Variants in DDX19A observed in about 807,000 individuals in gnomAD.
DDX19A encodes the protein ATP-dependent RNA helicase DDX19A.
A neutral mutation model predicts 60.6 loss-of-function variants in DDX19A; 12 were observed. That is an observed-to-expected ratio of 0.20 (90% CI 0.13 to 0.32). The LOEUF (loss-of-function observed/expected upper bound fraction) is 0.32. DDX19A is among the 10% of genes least tolerant of loss of function. DDX19A has a pLI of 1.00. For synonymous variants in DDX19A, 206 were observed against 218.2 expected, an observed-to-expected ratio of 0.94 and a Z score of 0.49; for missense variants, 337 against 600.6, an observed-to-expected ratio of 0.56 and a Z score of 4.59.
chr16:70,352,170 AT>A (rs1311030722), intron 2 of DDX19A, among the ~76,000 whole-genome samples: 1 of 150,908 alleles, frequency 6.6e-6, no homozygotes, highest in Non-Finnish European at 1.5e-5. Flanking sequence ...GTAGATTCTC[AT>A]ATTCTCTCTC....
chr16:70,366,646 A>G lies in DDX19A; in HGVS notation c.805A>G (p.Met269Val), dbSNP rs1205676582. ...IQRMLPRNCQ[M>V]LLFSATFEDS... ...CAGGATGCTGCCCAGGAACTGCCAGATGCTGCTTTTCTCCGCCACCTTTGA... is the reference window on the plus strand; with the variant it reads ...CAGGATGCTGCCCAGGAACTGCCAGGTGCTGCTTTTCTCCGCCACCTTTGA... Residue 269 changes from methionine to valine, a missense_variant, in exon 9 of 12, where the codon ATG (methionine) becomes GTG (valine). By Grantham distance (21) the Met-to-Val change is conservative (BLOSUM62 1). This residue lies in a region of DDX19A where 117 missense variants were observed against 274.3 expected (regional missense o/e 0.43). Coordinates refer to ENST00000302243, the MANE Select transcript of DDX19A (RefSeq NM_018332.5). The G allele has an allele frequency of 6.2e-7, 1 of 1,614,178 alleles. No homozygotes were observed. Among genetic ancestry groups the G allele is most frequent in the East Asian group, 2.2e-5 (1 of 44,866 alleles).
At chr16:70,366,480 A>G (rs1567656312) in intron 8 of DDX19A, 144 bp from the exon 9 acceptor site, 11 of 1,295,926 alleles carry the variant, frequency 8.5e-6, no homozygotes, top group Admixed American at 2.3e-5. Flanking sequence ...CCTTGTCCCC[A>G]TCCCAGGCCT....
rs550531792 is a variant in DDX19A at position 70,361,464 on chromosome 16, C to A, written c.340C>A (p.Pro114Thr). 6.2e-7 allele frequency: 1 copy of A among 1,613,914 alleles called. No homozygotes were observed. The highest frequency in any genetic ancestry group is 1.3e-5 in the African/African-American group (1 of 75,028). Residue 114 changes from proline (P) to threonine (T), a missense_variant, in exon 5 of 12, where the codon CCC becomes ACC. Around this residue, in one of 6 missense-constraint regions of DDX19A, gnomAD observed 127 missense variants for 160.3 expected, o/e 0.79. Transcript: ENST00000302243. ...AGTCTATGCCATGGGCTTCAATCGA[C>A]CCTCCAAGATACAAGAGAACGCATT... ...QGVYAMGFNR[P>T]SKIQENALPM...
intron 3 of DDX19A, chr16:70,355,768 C>T (rs1304551676): frequency 1.7e-6 from 1 of 586,080 alleles, no homozygotes; most frequent in Non-Finnish European, 3.0e-6. Context: ...TCAAGACCAG[C>T]CTGGGCAACA....
chr16:70,349,281 G>C (rs117921965), intron 1 of DDX19A, among the ~76,000 whole-genome samples: 4,782 of 152,296 alleles, frequency 0.031, 106 homozygotes, highest in Non-Finnish European at 0.045. Flanking sequence ...TGTCAGGGAA[G>C]CTTGTTAGAG....
intron 9 of DDX19A, among the ~76,000 whole-genome samples, chr16:70,369,019 C>T (rs1252036279): frequency 6.6e-6 from 1 of 151,222 alleles, no homozygotes; most frequent in East Asian, 1.9e-4. Flanking sequence ...AGGCATGTGC[C>T]ACCACACCTG....
At chr16:70,368,672 AAGTAGGTGGGACTCC>A (rs1182760764) in intron 9 of DDX19A, among the ~76,000 whole-genome samples, 2 of 151,034 alleles carry the variant, frequency 1.3e-5, no homozygotes, top group African/African-American at 4.9e-5. Context: ...TCAACCTCCC[AAGTAGGTGGGACTCC>A]AGGCACATGG....
chr16:70,371,276 T>A, intron 10 of DDX19A, 96 bp from the exon 11 acceptor site: 1 of 1,608,828 alleles, frequency 6.2e-7, no homozygotes, highest in Non-Finnish European at 8.5e-7. Context: ...TCTTTCCCTC[T>A]ATCCCAAAGT....
intron 1 of DDX19A, among the ~76,000 whole-genome samples, chr16:70,347,672 G>T (rs1160308624): frequency 6.6e-6 from 1 of 152,100 alleles, no homozygotes; most frequent in East Asian, 1.9e-4. Context: ...AGTGATAATG[G>T]ACTGTCTTTT....
At chr16:70,355,609 C>A (rs887708243) in intron 3 of DDX19A, 74 bp downstream of exon 3, 1 of 1,148,744 alleles carries the variant, frequency 8.7e-7, no homozygotes, top group Admixed American at 1.7e-5. Flanking sequence ...AGGGGCACTC[C>A]AAGCTACAAG....
chr16:70,359,676 T>G (rs1435072556), intron 4 of DDX19A, among the ~76,000 whole-genome samples: 1 of 149,772 alleles, frequency 6.7e-6, no homozygotes, highest in African/African-American at 2.5e-5. Flanking sequence ...GGCAACATGG[T>G]GAAACCTTAT....
At chr16:70,357,181 C>T (rs566305691) in intron 4 of DDX19A, among the ~76,000 whole-genome samples, 2 of 149,578 alleles carry the variant, frequency 1.3e-5, no homozygotes, top group South Asian at 4.2e-4. Flanking sequence ...ATCACTTGAA[C>T]CTGTGAGGCG....
chr16:70,352,254 C>T (rs1964038396), intron 2 of DDX19A, among the ~76,000 whole-genome samples: 1 of 151,690 alleles, frequency 6.6e-6, no homozygotes, highest in Admixed American at 6.6e-5. Flanking sequence ...GCAAACTTTC[C>T]ATATCAATAC....
chr16:70,347,217 T>C (rs1165532419), intron 1 of DDX19A, 169 bp downstream of exon 1: 1 of 653,986 alleles, frequency 1.5e-6, no homozygotes, highest in Non-Finnish European at 2.7e-6. Flanking sequence ...GAGACCAATG[T>C]CGAGCTTTTT....
intron 9 of DDX19A, among the ~76,000 whole-genome samples, chr16:70,369,297 G>C (rs911848122): frequency 1.4e-5 from 2 of 147,088 alleles, no homozygotes; most frequent in Non-Finnish European, 3.0e-5. Context: ...CTCCTCCCTC[G>C]GCTTCCTGAG....
intron 4 of DDX19A, among the ~76,000 whole-genome samples, chr16:70,361,083 A>G (rs1964350973): frequency 6.6e-6 from 1 of 152,122 alleles, no homozygotes; most frequent in Admixed American, 6.6e-5. Flanking sequence ...TAATGCTATG[A>G]ATTAATAACC....
At chr16:70,369,416 G>C (rs1227451877) in intron 9 of DDX19A, among the ~76,000 whole-genome samples, 1 of 151,106 alleles carries the variant, frequency 6.6e-6, no homozygotes, top group Non-Finnish European at 1.5e-5. Flanking sequence ...CTGACCTCGC[G>C]ATCGGCCCAC....
intron 4 of DDX19A, chr16:70,356,725 A>C: frequency 6.5e-6 from 2 of 308,558 alleles, no homozygotes; most frequent in Non-Finnish European, 1.2e-5. Flanking sequence ...AGTATGAAAA[A>C]ATTTGCAGTA....
chr16:70,364,913 C>T, intron 6 of DDX19A, 104 bp from the exon 7 acceptor site: 1 of 874,010 alleles, frequency 1.1e-6, no homozygotes, highest in Admixed American at 2.1e-5. Context: ...GGAGGACATG[C>T]TTCCCTGTGC....
Sources: gnomAD v4.1 joint callset for allele counts (sites outside exome capture counted in the v4.1 genomes callset) on GRCh38, gnomAD v4.1.1 for gene constraint, gnomAD v4.1.1 regional missense constraint, MANE v1.5 for transcripts, NCBI Gene and HGNC (gene_info 2026-07-23, HGNC 2026-07-21) for gene names.